KIF26B: variants seen among roughly 807,000 people sequenced by gnomAD.
KIF26B encodes the protein kinesin family member 26B.
In KIF26B, 63 loss-of-function variants were observed where a neutral mutation model predicts 151.2. That is an observed-to-expected ratio of 0.42 (90% CI 0.34 to 0.51). The LOEUF is 0.51. KIF26B is among the 20% of genes least tolerant of loss of function. The probability of loss-of-function intolerance (pLI) is 0.07; values close to 1 mark genes in which losing one functional copy is unlikely to be tolerated. For missense variants in KIF26B, 2,813 were observed against 2,913.6 expected (o/e 0.97, Z 0.79); for synonymous variants, 1,357 against 1,262.1 (o/e 1.08, Z -1.59).
intron 2 of KIF26B, among the ~76,000 whole-genome samples, chr1:245,176,446 G>T (rs79503484): frequency 0.044 from 6,742 of 152,234 alleles, 187 homozygotes; most frequent in East Asian, 0.087. Flanking sequence ...TTCCCACAGG[G>T]TCTATCATGG....
At chr1:245,500,989 G>A (rs1034288171) in intron 4 of KIF26B, among the ~76,000 whole-genome samples, 9 of 152,072 alleles carry the variant, frequency 5.9e-5, no homozygotes, top group South Asian at 2.1e-4. Flanking sequence ...TTCTAATGAC[G>A]AACTCATTAA....
At chr1:245,639,946 C>A (rs6682037) in intron 9 of KIF26B, among the ~76,000 whole-genome samples, 113,236 of 150,378 alleles carry the variant, frequency 0.75, 42,743 homozygotes, top group East Asian at 0.89. Flanking sequence ...GCAGTTGGAT[C>A]AAATGTTCTG....
intron 4 of KIF26B, among the ~76,000 whole-genome samples, chr1:245,536,852 A>G (rs1226445468): frequency 6.6e-6 from 1 of 152,192 alleles, no homozygotes; most frequent in Admixed American, 6.5e-5. Context: ...TCCTCACAGC[A>G]TGGAAGCTGC....
Position 245,367,209 on chromosome 1 carries a change from A to T in KIF26B, c.841A>T (p.Ser281Cys). The T allele has an allele frequency of 6.2e-7, 1 of 1,609,904 alleles. No individual in the cohort carries two copies. Residue 281 changes from serine (S) to cysteine (C), a missense_variant, in exon 3 of 15, where the codon AGC becomes TGC. By Grantham distance (112) the Ser-to-Cys change is moderately radical. Coordinates refer to ENST00000407071, the MANE Select transcript of KIF26B (RefSeq NM_018012.4). The surrounding 1 kb of genome is among the most constrained non-coding windows in gnomAD (Gnocchi z 4.2). ...LGVSNGAEKK[S>C]GSPTHQAKVS... ...GGTCAGCAATGGGGCGGAAAAGAAG[A>T]GCGGGTCCCCAACCCACCAGGCCAA...
At chr1:245,289,436 C>A (rs982529546) in intron 2 of KIF26B, among the ~76,000 whole-genome samples, 1 of 152,072 alleles carries the variant, frequency 6.6e-6, no homozygotes, top group Non-Finnish European at 1.5e-5. Context: ...TATTAGCTAC[C>A]CTTTGCCTGA....
chr1:245,446,421 A>G (rs988380172), intron 4 of KIF26B, among the ~76,000 whole-genome samples: 13 of 152,204 alleles, frequency 8.5e-5, no homozygotes, highest in African/African-American at 3.1e-4. Context: ...TCAAAAAAGT[A>G]TAAGAAAATT....
At position 245,401,200 on chromosome 1, in the gene KIF26B, G is replaced by A. The variant is rs992111341; in HGVS notation, c.1000-18379G>A. On this transcript the variant is annotated intron_variant, in intron 3 of 14. Transcript: ENST00000407071. Reference sequence around the variant, plus strand: ...ATGGATTGGAGGTCTGATTAATATAGAGTTTTGAAGGGGCTAAAGAGGTGT... The same window carrying A: ...ATGGATTGGAGGTCTGATTAATATAAAGTTTTGAAGGGGCTAAAGAGGTGT... Among the ~76,000 whole-genome samples, 6 of 152,142 alleles carry A rather than the reference G, an allele frequency of 3.9e-5. No individual in the cohort carries two copies. In the East Asian group the frequency reaches 1.2e-3, roughly 29 times the overall value.
intron 9 of KIF26B, among the ~76,000 whole-genome samples, chr1:245,641,646 GA>G (rs1223385503): frequency 6.6e-6 from 1 of 151,450 alleles, no homozygotes; most frequent in African/African-American, 2.4e-5. Context: ...TTCATTTATT[GA>G]ATTTTTTACC....
intron 2 of KIF26B, among the ~76,000 whole-genome samples, chr1:245,315,291 A>AAT (rs1671745966): frequency 6.6e-6 from 1 of 152,232 alleles, no homozygotes; most frequent in Admixed American, 6.5e-5. Context: ...CTGGAGATGG[A>AAT]TGGTGGCAAC....
intron 2 of KIF26B, among the ~76,000 whole-genome samples, chr1:245,295,756 T>G (rs567683853): frequency 6.0e-4 from 92 of 152,358 alleles, no homozygotes; most frequent in African/African-American, 2.1e-3. Context: ...TAAGATATCC[T>G]GTAAGTCCAT....
chr1:245,215,628 G>T (rs1401667800), intron 2 of KIF26B, among the ~76,000 whole-genome samples: 1 of 152,144 alleles, frequency 6.6e-6, no homozygotes, highest in African/African-American at 2.4e-5. Flanking sequence ...CTTATGCTGG[G>T]CTCGGGGTGT....
At chr1:245,607,548 C>T (rs1047884698) in intron 6 of KIF26B, 103 bp from the exon 7 acceptor site, 8 of 875,088 alleles carry the variant, frequency 9.1e-6, no homozygotes, top group African/African-American at 8.4e-5. Context: ...AACACAGTGA[C>T]ACTGGGACCC....
intron 12 of KIF26B, among the ~76,000 whole-genome samples, chr1:245,691,543 G>A (rs908057892): frequency 2.0e-5 from 3 of 152,128 alleles, no homozygotes; most frequent in South Asian, 2.1e-4. Context: ...TAAGAGAAAC[G>A]GTGGCTGTCA....
intron 8 of KIF26B, among the ~76,000 whole-genome samples, chr1:245,609,874 AG>A (rs2043499682): frequency 6.6e-6 from 1 of 152,154 alleles, no homozygotes; most frequent in Admixed American, 6.5e-5. Context: ...AAATAGCTAG[AG>A]CCATTACGGG....
At chr1:245,628,794 A>G (rs1011470341) in intron 9 of KIF26B, among the ~76,000 whole-genome samples, 5 of 152,112 alleles carry the variant, frequency 3.3e-5, no homozygotes, top group Admixed American at 2.0e-4. Flanking sequence ...TCAAATAGGA[A>G]GAGAGGAAGT....
At chr1:245,691,897 C>T (rs767756755) in intron 12 of KIF26B, among the ~76,000 whole-genome samples, 7 of 152,092 alleles carry the variant, frequency 4.6e-5, no homozygotes, top group Admixed American at 3.3e-4. Flanking sequence ...CTTGTTCCAC[C>T]GGCCATAGCA....
rs760401356 is a variant in KIF26B, at chr1:245,689,896, C to T, written c.5824+1089C>T. 3.3e-5 allele frequency among the ~76,000 whole-genome samples: 5 copies of T among 152,144 alleles called. No individual in the cohort carries two copies. The East Asian group carries it at 5.8e-4, about 18-fold the overall frequency. On this transcript the variant is annotated intron_variant, in intron 12 of 14. Transcript: ENST00000407071. Reference sequence around the variant, plus strand: ...TTTAAGAATCTCCTATCAAAAGGCACGTACTCCAGAATAATTAATATATAA... The same window carrying T: ...TTTAAGAATCTCCTATCAAAAGGCATGTACTCCAGAATAATTAATATATAA...
rs145930989 is a variant in KIF26B at position 245,533,866 on chromosome 1, A to G, written c.1167-6901A>G. Among the ~76,000 whole-genome samples the G allele has an allele frequency of 2.2e-4, 33 of 152,198 alleles. 1 individual carries two copies. Among genetic ancestry groups the G allele is most frequent in the African/African-American group, 7.7e-4 (32 of 41,544 alleles). ...AGACCTAAGACTTTCCCTGCACTTA[A>G]AGCCATTGAATCCACCAGATGAGTG... is the stretch of plus-strand genomic sequence containing the variant. On this transcript the variant is annotated intron_variant, in intron 4 of 14. Coordinates refer to ENST00000407071, the MANE Select transcript of KIF26B (RefSeq NM_018012.4).
intron 2 of KIF26B, among the ~76,000 whole-genome samples, chr1:245,314,790 G>A (rs1013527660): frequency 6.6e-6 from 1 of 152,116 alleles, no homozygotes; most frequent in Non-Finnish European, 1.5e-5. Context: ...CTGAAGAAAC[G>A]TCTTACATTT....
Sources: allele counts gnomAD v4.1 joint callset (sites outside exome capture counted in the v4.1 genomes callset), GRCh38; gene constraint gnomAD v4.1.1; non-coding constraint Gnocchi (gnomAD v3.1); transcripts MANE v1.5; gene names NCBI Gene and HGNC (gene_info 2026-07-23, HGNC 2026-07-21).